The following ERC1 variants were observed in gnomAD, a reference collection of about 807,000 sequenced individuals.
The protein encoded by ERC1 is RAB6 interacting protein 2.
A neutral mutation model predicts 132.0 loss-of-function variants in ERC1; 56 were observed. That is an observed-to-expected ratio of 0.42 (90% CI 0.34 to 0.53). ERC1 has a LOEUF of 0.53. Among genes scored for constraint, ERC1 ranks in the 20% least tolerant of loss-of-function variants. The probability of loss-of-function intolerance (pLI) is 0.03; values close to 1 mark genes in which losing one functional copy is unlikely to be tolerated. For missense variants in ERC1, 1,202 were observed against 1,349.9 expected, an observed-to-expected ratio of 0.89 and a Z score of 1.72; for synonymous variants, 478 against 476.1, an observed-to-expected ratio of 1.00 and a Z score of -0.05.
chr12:1,038,446 C>G (rs1969533529), intron 2 of ERC1, among the ~76,000 whole-genome samples: 1 of 151,974 alleles, frequency 6.6e-6, no homozygotes, highest in Non-Finnish European at 1.5e-5. Context: ...ACTGCAACCT[C>G]CGCCTCCCAG....
In ERC1 at chr12:1,381,867, G is replaced by A. The variant is rs1448719572; in HGVS notation, c.2925+9890G>A. 4.6e-5 allele frequency among the ~76,000 whole-genome samples: 7 copies of A among 152,020 alleles called. No individual in the cohort carries two copies. The East Asian group carries it at 1.2e-3, about 25-fold the overall frequency. ...CCATTCTGTGCTTTTTTTCATTCAC[G>A]TATTCATTTTCCCTTGGCTTAAGTT... On this transcript the variant is annotated intron_variant, in intron 16 of 18. Transcript: ENST00000360905.
rs547962168 is a variant in ERC1 at position 1,221,505 on chromosome 12, T to A, written c.2352-15264T>A. 4.6e-5 allele frequency among the ~76,000 whole-genome samples: 7 copies of A among 152,320 alleles called. No individual in the cohort carries two copies. In the South Asian group the frequency reaches 1.5e-3, roughly 32 times the overall value. On this transcript the variant is annotated intron_variant, in intron 12 of 18. Coordinates refer to ENST00000360905, the MANE Select transcript of ERC1 (RefSeq NM_178040.4). ...AGTATTTTTGCAGAAGTTAAAAGTG[T>A]TTATGTAAAACTCCAAGTAATTAAC...
At chr12:1,261,898 T>A (rs927574486) in intron 13 of ERC1, among the ~76,000 whole-genome samples, 1 of 152,224 alleles carries the variant, frequency 6.6e-6, no homozygotes, top group Non-Finnish European at 1.5e-5. Flanking sequence ...ATTTATCAAC[T>A]GTTCATTAAG....
At chr12:1,296,024 A>AAAAAAC (rs1555349497) in intron 15 of ERC1, among the ~76,000 whole-genome samples, 1 of 150,372 alleles carries the variant, frequency 6.7e-6, no homozygotes, top group Non-Finnish European at 1.5e-5. Flanking sequence ...AAAAAAAAAA[A>AAAAAAC]AACAACTAAA....
intron 13 of ERC1, among the ~76,000 whole-genome samples, chr12:1,255,532 A>G (rs1407093136): frequency 1.3e-5 from 2 of 151,202 alleles, no homozygotes; most frequent in Non-Finnish European, 2.9e-5. Flanking sequence ...ACTGTCTTCC[A>G]CAATGGTTGA....
chr12:1,245,437 G>C (rs550777530), intron 13 of ERC1, among the ~76,000 whole-genome samples: 1 of 152,206 alleles, frequency 6.6e-6, no homozygotes, highest in East Asian at 1.9e-4. Flanking sequence ...GTTATATGTA[G>C]CATCCATTCC....
chr12:1,193,493 AACAC>A (rs1334716505), intron 12 of ERC1, among the ~76,000 whole-genome samples: 1 of 151,838 alleles, frequency 6.6e-6, no homozygotes, highest in East Asian at 1.9e-4. Context: ...CACATATATA[AACAC>A]ACACAAGCAT....
At chr12:1,328,560 A>C (rs7977370) in intron 15 of ERC1, among the ~76,000 whole-genome samples, 26,177 of 151,624 alleles carry the variant, frequency 0.17, 3,799 homozygotes, top group African/African-American at 0.4. Context: ...AAGGTTCCCC[A>C]TAATCTGACT....
At chr12:1,011,642 T>A (rs1169760701) in intron 1 of ERC1, among the ~76,000 whole-genome samples, 2 of 152,184 alleles carry the variant, frequency 1.3e-5, no homozygotes, top group African/African-American at 4.8e-5. Flanking sequence ...GATTAAAATA[T>A]ATTCTTGAAG....
At chr12:1,073,538 A>T (rs946476243) in intron 2 of ERC1, among the ~76,000 whole-genome samples, 2 of 151,516 alleles carry the variant, frequency 1.3e-5, no homozygotes, top group Non-Finnish European at 2.9e-5. Flanking sequence ...AATCCCAGCC[A>T]CTTGGGAGGC....
rs139592420 is a variant in ERC1 at position 1,303,016 on chromosome 12, C to T, written c.2780+13004C>T. Among the ~76,000 whole-genome samples the T allele has an allele frequency of 1.6e-4, 24 of 152,120 alleles. No individual in the cohort carries two copies. The East Asian group carries it at 2.1e-3, about 13-fold the overall frequency. On this transcript the variant is annotated intron_variant, in intron 15 of 18. Coordinates refer to ENST00000360905, the MANE Select transcript of ERC1 (RefSeq NM_178040.4). ...CTATAGTCTGTTAAATGTGCAGTAG[C>T]GTTGTGTCTTAAAAAATGTGCATAC...
chr12:1,136,921 C>T (rs1451737726), intron 7 of ERC1, among the ~76,000 whole-genome samples: 1 of 152,068 alleles, frequency 6.6e-6, no homozygotes, highest in East Asian at 1.9e-4. Context: ...ACTCTTCTGA[C>T]ATACTGTTCA....
chr12:1,106,139 A>G (rs1012963556), intron 4 of ERC1, among the ~76,000 whole-genome samples: 3 of 152,234 alleles, frequency 2.0e-5, no homozygotes, highest in African/African-American at 7.2e-5. Context: ...CCTATGCCTC[A>G]GTTTCTTTAT....
rs34023344 is a variant in ERC1, at chr12:1,297,538, C to CAA, written c.2780+7547_2780+7548dup. Among the ~76,000 whole-genome samples, 574 of 80,526 alleles carry CAA rather than the reference C, an allele frequency of 7.1e-3. 6 individuals carry two copies. Among genetic ancestry groups the CAA allele is most frequent in the African/African-American group, 0.022 (473 of 21,868 alleles). The allele number at this position is 80,526 out of a possible 152,430, so 52.8% of individuals were successfully genotyped here. A position where few individuals can be genotyped will look rare whatever the true frequency, so the allele number is the denominator to read the frequency against. On this transcript the variant is annotated intron_variant, in intron 15 of 18. Coordinates refer to ENST00000360905, the MANE Select transcript of ERC1 (RefSeq NM_178040.4). ...ACAACATGACGAAACCCTGTTTCTA[C>CAA]AAAAAAAAAAAAAAAAAAAAAATTA...
At position 1,068,962 on chromosome 12, in the gene ERC1, G is replaced by T. The variant is rs181749125; in HGVS notation, c.670-14202G>T. Among the ~76,000 whole-genome samples, 206 of 152,178 alleles carry T rather than the reference G, an allele frequency of 1.4e-3. 2 individuals are homozygous for T. Among genetic ancestry groups the T allele is most frequent in the South Asian group, 4.1e-4 (2 of 4,820 alleles). ...AAGGTTATTTCTTTTTTGGCGAATG[G>T]TTGTTTGTTTAAATGGAGAAACATA... On this transcript the variant is annotated intron_variant, in intron 2 of 18. Coordinates refer to ENST00000360905, the MANE Select transcript of ERC1 (RefSeq NM_178040.4).
At chr12:1,314,085 C>T (rs933995927) in intron 15 of ERC1, among the ~76,000 whole-genome samples, 8 of 152,134 alleles carry the variant, frequency 5.3e-5, no homozygotes, top group Non-Finnish European at 7.4e-5. Context: ...AACCCACATC[C>T]TGTCTACTTC....
chr12:1,190,148 A>C, intron 12 of ERC1, 96 bp downstream of exon 12: 1 of 1,127,418 alleles, frequency 8.9e-7, no homozygotes, highest in Non-Finnish European at 1.4e-6. Context: ...CTAACTCTGA[A>C]TTTAGGTTCT....
At chr12:1,158,728 C>T (rs1252478656) in intron 8 of ERC1, among the ~76,000 whole-genome samples, 2 of 151,866 alleles carry the variant, frequency 1.3e-5, no homozygotes, top group East Asian at 3.9e-4. Context: ...CCTGGGATTA[C>T]AGGTGTGAGC....
chr12:1,162,985 T>C (rs11833866), intron 8 of ERC1, among the ~76,000 whole-genome samples: 7,169 of 152,284 alleles, frequency 0.047, 564 homozygotes, highest in African/African-American at 0.16. Context: ...TGAAATATCA[T>C]TTTATTGCAA....
Sources: allele counts gnomAD v4.1 joint callset (sites outside exome capture counted in the v4.1 genomes callset), GRCh38; gene constraint gnomAD v4.1.1; transcripts MANE v1.5; gene names NCBI Gene and HGNC (gene_info 2026-07-23, HGNC 2026-07-21).